DPP6: variants seen among roughly 807,000 people sequenced by gnomAD.
DPP6 encodes dipeptidyl peptidase like 6.
A neutral mutation model predicts 122.6 loss-of-function variants in DPP6; 69 were observed. That is an observed-to-expected ratio of 0.56 (90% confidence interval 0.46 to 0.69). The LOEUF is 0.69. Ranked by LOEUF, DPP6 falls within the 30% of genes least tolerant of loss-of-function variation. The pLI, the probability that DPP6 is intolerant of heterozygous loss-of-function variation, is 0.00. For missense variants in DPP6, 928 were observed against 1,116.9 expected (o/e 0.83, Z 2.41); for synonymous variants, 418 against 433.1 (o/e 0.97, Z 0.43).
chr7:154,250,783 C>A (rs1022661216), intron 1 of DPP6, among the ~76,000 whole-genome samples: 4 of 151,932 alleles, frequency 2.6e-5, no homozygotes, highest in African/African-American at 9.7e-5. Context: ...CTAGAAGAGC[C>A]AGGATTGAAG....
chr7:154,110,774 A>C (rs913258283), intron 1 of DPP6, among the ~76,000 whole-genome samples: 1 of 151,896 alleles, frequency 6.6e-6, no homozygotes, highest in Admixed American at 6.6e-5. Context: ...CAGACAGACC[A>C]TGGCCCAGGA....
chr7:154,014,979 T>A (rs1798334722), intron 1 of DPP6, among the ~76,000 whole-genome samples: 1 of 152,120 alleles, frequency 6.6e-6, no homozygotes, highest in Non-Finnish European at 1.5e-5. Context: ...AATGATCCAA[T>A]TTTTCATTCA....
intron 1 of DPP6, among the ~76,000 whole-genome samples, chr7:154,405,099 A>T (rs1215029573): frequency 6.6e-6 from 1 of 152,102 alleles, no homozygotes. Flanking sequence ...ATGTATGTGA[A>T]TTTTTTTTCA....
intron 1 of DPP6, among the ~76,000 whole-genome samples, chr7:154,193,846 T>C (rs1232767604): frequency 1.3e-5 from 2 of 151,936 alleles, no homozygotes; most frequent in Non-Finnish European, 2.9e-5. Flanking sequence ...GTTGTGAGAA[T>C]CCCAGCATCC....
intron 1 of DPP6, among the ~76,000 whole-genome samples, chr7:154,419,380 C>T (rs983419653): frequency 6.6e-6 from 1 of 152,192 alleles, no homozygotes; most frequent in African/African-American, 2.4e-5. Flanking sequence ...TTCACATTGA[C>T]TATTTTTTAA....
At position 154,125,372 on chromosome 7, in the gene DPP6, A is replaced by T. The variant is rs148825661; in HGVS notation, c.243+72309A>T. Among the ~76,000 whole-genome samples the T allele has an allele frequency of 5.7e-3, 871 of 152,358 alleles. 13 individuals are homozygous for T. Among genetic ancestry groups the T allele is most frequent in the African/African-American group, 0.02 (839 of 41,574 alleles). ...AAATTCTAGTGTAAAACAAACATGT[A>T]TATATTAAATTACGTTCCTTTTACT... On this transcript the variant is annotated intron_variant, in intron 1 of 25. Transcript: ENST00000377770.
At chr7:154,500,238 A>G (rs1471755335) in intron 3 of DPP6, among the ~76,000 whole-genome samples, 1 of 152,238 alleles carries the variant, frequency 6.6e-6, no homozygotes, top group Non-Finnish European at 1.5e-5. Flanking sequence ...AGGAATTATT[A>G]TAGATAGTGG....
chr7:153,757,509 G>T, the DPP6 span, among the ~76,000 whole-genome samples: 1 of 152,136 alleles, frequency 6.6e-6, no homozygotes, highest in East Asian at 1.9e-4. Context: ...GGAATCAGTA[G>T]ACTCGATCTT....
chr7:154,621,990 A>G (rs146090537), intron 5 of DPP6, among the ~76,000 whole-genome samples: 3 of 152,248 alleles, frequency 2.0e-5, no homozygotes, highest in Non-Finnish European at 2.9e-5. Flanking sequence ...TGTGCTTAAT[A>G]TATTTCCCCC....
the DPP6 span, among the ~76,000 whole-genome samples, chr7:153,813,859 T>C: frequency 6.6e-6 from 1 of 152,152 alleles, no homozygotes; most frequent in Non-Finnish European, 1.5e-5. Context: ...CTTCGCCCAC[T>C]TTTTGATGGG....
chr7:154,266,098 A>T (rs1803402307), intron 1 of DPP6, among the ~76,000 whole-genome samples: 2 of 152,184 alleles, frequency 1.3e-5, no homozygotes, highest in Admixed American at 6.5e-5. Flanking sequence ...GATTTCTCTC[A>T]TATCTCTATG....
At chr7:154,400,781 C>T (rs187541811) in intron 1 of DPP6, among the ~76,000 whole-genome samples, 22 of 152,254 alleles carry the variant, frequency 1.4e-4, no homozygotes, top group Admixed American at 1.4e-3. Context: ...CATTGTATGA[C>T]ATTTTATTAT....
At chr7:154,832,498 C>T (rs1230368637) in intron 16 of DPP6, among the ~76,000 whole-genome samples, 1 of 152,170 alleles carries the variant, frequency 6.6e-6, no homozygotes, top group Admixed American at 6.5e-5. Flanking sequence ...CTCACCATCT[C>T]CCTTCCCAGT....
intron 1 of DPP6, among the ~76,000 whole-genome samples, chr7:154,304,834 A>G (rs1278025269): frequency 1.3e-5 from 2 of 152,120 alleles, no homozygotes; most frequent in African/African-American, 4.8e-5. Context: ...CCAAGAAAAA[A>G]CAAAGGGCAT....
At chr7:154,439,077 C>G (rs998976129) in intron 1 of DPP6, among the ~76,000 whole-genome samples, 6 of 152,204 alleles carry the variant, frequency 3.9e-5, no homozygotes, top group Non-Finnish European at 1.5e-5. Context: ...TTACTTTAGT[C>G]TCTGCCATTC....
intron 3 of DPP6, among the ~76,000 whole-genome samples, chr7:154,538,705 T>G (rs542035356): frequency 6.6e-6 from 1 of 151,568 alleles, no homozygotes; most frequent in African/African-American, 2.4e-5. Flanking sequence ...CTTAAGTGCT[T>G]TCTAAAAAAA....
chr7:154,517,137 G>A (rs1826581153), intron 3 of DPP6, among the ~76,000 whole-genome samples: 1 of 152,160 alleles, frequency 6.6e-6, no homozygotes, highest in Non-Finnish European at 1.5e-5. Flanking sequence ...TGTGGACCAA[G>A]GTCATCACTT....
chr7:154,244,215 G>C (rs764071399), intron 1 of DPP6, among the ~76,000 whole-genome samples: 2 of 152,050 alleles, frequency 1.3e-5, no homozygotes, highest in African/African-American at 2.4e-5. Flanking sequence ...TTTCTTGTAA[G>C]AAGATGCAGA....
chr7:153,876,634 A>G, the DPP6 span, among the ~76,000 whole-genome samples: 2 of 152,116 alleles, frequency 1.3e-5, no homozygotes, highest in African/African-American at 2.4e-5. Flanking sequence ...AATTTACCCA[A>G]TAGAACAGCA....
Sources: gnomAD v4.1 joint callset for allele counts (sites outside exome capture counted in the v4.1 genomes callset) on GRCh38, gnomAD v4.1.1 for gene constraint, MANE v1.5 for transcripts, NCBI Gene and HGNC (gene_info 2026-07-23, HGNC 2026-07-21) for gene names.